Variants in EP400 observed in about 807,000 individuals in gnomAD.
EP400 encodes the protein E1A-binding protein p400.
A neutral mutation model predicts 354.1 loss-of-function variants in EP400; 105 were observed. That is an observed-to-expected ratio of 0.30 (90% confidence interval 0.25 to 0.35). The LOEUF is 0.35. Ranked by LOEUF, EP400 falls within the 10% of genes least tolerant of loss-of-function variation. The probability of loss-of-function intolerance (pLI) is 1.00; values close to 1 mark genes in which losing one functional copy is unlikely to be tolerated. For synonymous variants in EP400, 1,646 were observed against 1,716.9 expected, an observed-to-expected ratio of 0.96 and a Z score of 1.02; for missense variants, 3,280 against 4,121.0, an observed-to-expected ratio of 0.80 and a Z score of 5.59.
At position 132,018,419 on chromosome 12, in the gene EP400, G is replaced by T. The variant is rs776880965; in HGVS notation, c.4277+43G>T. ...GCAGCGGGGAGGGTTGGCTCCCAGGGCCCCCACAGCTGACCCAGGTCTATG... is the reference window on the plus strand; with the variant it reads ...GCAGCGGGGAGGGTTGGCTCCCAGGTCCCCCACAGCTGACCCAGGTCTATG... On this transcript the variant is annotated intron_variant, in intron 21 of 52. Coordinates refer to ENST00000389561, the MANE Select transcript of EP400 (RefSeq NM_015409.5). This position sits in a 1 kb window ranked among gnomAD's most constrained non-coding sequence, Gnocchi z 4.0. The T allele has an allele frequency of 3.8e-6, 6 of 1,561,312 alleles. No homozygotes were observed. In the South Asian group the frequency reaches 6.1e-5, roughly 16 times the overall value.
rs1431467944 is a variant in EP400 at position 132,017,396 on chromosome 12, C to T, written c.3924-139C>T. 1.2e-6 allele frequency: 1 copy of T among 803,718 alleles called. No homozygotes were observed. Among genetic ancestry groups the T allele is most frequent in the Non-Finnish European group, 1.9e-6 (1 of 515,996 alleles). 49.8% of individuals were successfully genotyped at this position (803,718 alleles called of 1,614,324 possible). Reference sequence around the variant, plus strand: ...CCTGGGATGTGGACTTGAATGGCCACTCTGTCTAACTCATTAAGCGGACCT... The same window carrying T: ...CCTGGGATGTGGACTTGAATGGCCATTCTGTCTAACTCATTAAGCGGACCT... On this transcript the variant is annotated intron_variant, in intron 19 of 52. Transcript: ENST00000389561. The surrounding 1 kb of genome is among the most constrained non-coding windows in gnomAD (Gnocchi z 5.0).
intron 10 of EP400, 110 bp downstream of exon 10, chr12:131,991,566 C>A: frequency 2.1e-6 from 2 of 939,004 alleles, no homozygotes; most frequent in Non-Finnish European, 1.6e-6. Flanking sequence ...ACTATTACTT[C>A]CTTTCTTTTC....
At chr12:132,045,097 C>A in intron 37 of EP400, 144 bp downstream of exon 37, 1 of 1,364,032 alleles carries the variant, frequency 7.3e-7, no homozygotes, top group South Asian at 1.4e-5. Context: ...CGCTGCCTCT[C>A]AGGCCATGTG....
rs559025137 is a variant in EP400 at position 132,000,668 on chromosome 12, T to C, written c.2828-4409T>C. On this transcript the variant is annotated intron_variant, in intron 12 of 52. Coordinates refer to ENST00000389561, the MANE Select transcript of EP400 (RefSeq NM_015409.5). ...TGCATATATAGGTTTAGAATTGTTATCCTATTACGTCATCAGTTTTACTTG... is the reference window on the plus strand; with the variant it reads ...TGCATATATAGGTTTAGAATTGTTACCCTATTACGTCATCAGTTTTACTTG... Among the ~76,000 whole-genome samples the C allele has an allele frequency of 4.6e-5, 7 of 152,356 alleles. No homozygotes were observed. The South Asian group carries it at 6.2e-4, about 14-fold the overall frequency.
rs1057416138 is a variant in EP400 at position 131,960,664 on chromosome 12, G to C, written c.45G>C (p.Gln15His). 6.3e-7 allele frequency: 1 copy of C among 1,588,482 alleles called. No homozygotes were observed. The highest frequency in any genetic ancestry group is 1.8e-4 in the Middle Eastern group (1 of 5,572). The stretch of plus-strand genomic sequence containing the variant: ...CCCAGAACGTCCAGCATCAGCTGCA[G>C]AGGTCCAGGGCCTGCCCTGGCAGCG... ...TGPQNVQHQL[Q>H]RSRACPGSEG... The change falls in exon 2 of 53, where the codon CAG (glutamine) becomes CAC (histidine). Residue 15 changes from glutamine to histidine, a missense_variant. Gln to His is a conservative substitution (Grantham distance 24). This residue lies in a region of EP400 where 172 missense variants were observed against 242.9 expected (regional missense o/e 0.71). Coordinates refer to ENST00000389561, the MANE Select transcript of EP400 (RefSeq NM_015409.5).
rs767866808 is a variant in EP400, at chr12:132,045,575, TC to T, written c.7026+16del. The T allele has an allele frequency of 2.5e-6, 4 of 1,613,080 alleles. No individual in the cohort carries two copies. The highest frequency in any genetic ancestry group is 3.4e-6 in the Non-Finnish European group (4 of 1,179,266). On this transcript the variant is annotated intron_variant, in intron 38 of 52. Transcript: ENST00000389561. ...CGCTGCTGCAGGTAGGTGGGCGTGG[TC>T]TTTGTGCCAGCGGTCATGTGCGGTC... is the stretch of plus-strand genomic sequence containing the variant.
rs79342527 is a variant in EP400 at position 132,064,952 on chromosome 12, G to A, written c.8553+66G>A. The A allele has an allele frequency of 4.4e-3, 6,654 of 1,526,864 alleles. 23 individuals carry two copies. Among genetic ancestry groups the A allele is most frequent in the Non-Finnish European group, 4.9e-3 (5,571 of 1,138,776 alleles). The allele number at this position is 1,526,864 out of a possible 1,614,324, so 94.6% of individuals were successfully genotyped here. ...TTTTATGTTTTAACACAGCTGTTGC[G>A]CTTGCTCAGGTGCGTGTCACGTGTT... On this transcript the variant is annotated intron_variant, in intron 48 of 52. Coordinates refer to ENST00000389561, the MANE Select transcript of EP400 (RefSeq NM_015409.5).
At chr12:132,041,911 A>AT (rs1479410421) in intron 32 of EP400, among the ~76,000 whole-genome samples, 5 of 136,710 alleles carry the variant, frequency 3.7e-5, no homozygotes, top group Non-Finnish European at 8.1e-5. Context: ...GCTTTTCCCA[A>AT]TTTTTTTTAA....
chr12:132,055,277 A>G (rs1895446215), intron 45 of EP400, 69 bp downstream of exon 45: 1 of 1,259,086 alleles, frequency 7.9e-7, no homozygotes, highest in South Asian at 1.4e-5. Flanking sequence ...TTGTCTGTTA[A>G]TTCTTCTTCT....
At chr12:132,076,267 A>G in intron 51 of EP400, 1 of 530,116 alleles carries the variant, frequency 1.9e-6, no homozygotes, top group Non-Finnish European at 3.5e-6. Context: ...AATGTGTCTG[A>G]AATATGAGAC....
intron 1 of EP400, among the ~76,000 whole-genome samples, chr12:131,957,872 A>C (rs1250103420): frequency 6.6e-6 from 1 of 152,222 alleles, no homozygotes; most frequent in Non-Finnish European, 1.5e-5. Flanking sequence ...CTGGGATTAC[A>C]GGCATGAGCC....
rs141917943 is a variant in EP400 at position 132,047,575 on chromosome 12, G to A, written c.7200+1675G>A. Among the ~76,000 whole-genome samples, 925 of 152,314 alleles carry A rather than the reference G, an allele frequency of 6.1e-3. 4 individuals are homozygous for A. The highest frequency in any genetic ancestry group is 7.8e-3 in the Non-Finnish European group (528 of 68,030). On this transcript the variant is annotated intron_variant, in intron 39 of 52. Transcript: ENST00000389561. ...AAAGGGGAGGGAGTGTATGAATAGG[G>A]TGTGGGTCACAGAGATCACATGCTT...
intron 51 of EP400, among the ~76,000 whole-genome samples, chr12:132,073,420 A>ATGC (rs1896124287): frequency 6.9e-6 from 1 of 143,944 alleles, no homozygotes; most frequent in Non-Finnish European, 1.5e-5. Context: ...TTCATCTCAA[A>ATGC]TGCTGCTGTT....
chr12:132,023,670 C>T (rs1894202542), intron 23 of EP400, 107 bp from the exon 24 acceptor site: 1 of 968,174 alleles, frequency 1.0e-6, no homozygotes, highest in African/African-American at 1.7e-5. Context: ...TGTGGTGCTT[C>T]AGTTTATGAT....
chr12:131,984,612 T>G (rs780467706), intron 5 of EP400, among the ~76,000 whole-genome samples: 8 of 152,218 alleles, frequency 5.3e-5, no homozygotes, highest in Non-Finnish European at 8.8e-5. Flanking sequence ...ACATACTGAC[T>G]TAAAGCAGCT....
In EP400 at chr12:132,042,137, G is replaced by C. The variant is rs143665372; in HGVS notation, c.6208-1167G>C. Among the ~76,000 whole-genome samples the C allele has an allele frequency of 5.0e-3, 756 of 151,980 alleles. 8 individuals carry two copies. Among genetic ancestry groups the C allele is most frequent in the African/African-American group, 0.017 (720 of 41,438 alleles). The stretch of plus-strand genomic sequence containing the variant: ...GGCTAATTTTTATATTTTTAATAGA[G>C]ACGTGGTTTCTCCATGTTGGCCAGG... On this transcript the variant is annotated intron_variant, in intron 32 of 52. Coordinates refer to ENST00000389561, the MANE Select transcript of EP400 (RefSeq NM_015409.5).
rs1335079898 is a variant in EP400 at position 132,055,505 on chromosome 12, TGTGTGTGTGAGGTGTAGGG to T, written c.7884+319_7884+337del. Among the ~76,000 whole-genome samples the T allele has an allele frequency of 5.2e-3, 622 of 120,288 alleles. 5 individuals are homozygous for T. The highest frequency in any genetic ancestry group is 7.6e-3 in the Admixed American group (91 of 12,028). The allele number at this position is 120,288 out of a possible 152,430, so 78.9% of individuals were successfully genotyped here. On this transcript the variant is annotated intron_variant, in intron 45 of 52. Transcript: ENST00000389561. ...TAGGGGTGTGTGTGAGGTGTAGGTG[TGTGTGTGTGAGGTGTAGGG>T]GTGTGTGTGAGGTGTAGGGGTTGTG...
chr12:132,014,904 G>A (rs559686774), intron 19 of EP400, among the ~76,000 whole-genome samples: 16 of 152,294 alleles, frequency 1.1e-4, no homozygotes, highest in African/African-American at 3.8e-4. Flanking sequence ...GTGAGGCCAT[G>A]CTAGCCACAC....
At position 132,045,742 on chromosome 12, in the gene EP400, C is replaced by G; in HGVS notation, c.7042C>G (p.Leu2348Val). 6.2e-7 allele frequency: 1 copy of G among 1,614,254 alleles called. No individual in the cohort carries two copies. The highest frequency in any genetic ancestry group is 8.5e-7 in the Non-Finnish European group (1 of 1,180,048). ...CCTTCTCTAGGCTGTAAAGCAGTTA[C>G]TGGAGCTGCCTTTGAACCTCACAAT... ...WALLQAVKQL[L>V]ELPLNLTIVS... The change falls in exon 39 of 53, where the codon CTG (leucine) becomes GTG (valine). Residue 2348 changes from leucine to valine, a missense_variant. Physicochemically the swap from Leu to Val is conservative, Grantham distance 32. Transcript: ENST00000389561.
Sources: gnomAD v4.1 joint callset for allele counts (sites outside exome capture counted in the v4.1 genomes callset) on GRCh38, gnomAD v4.1.1 for gene constraint, gnomAD v4.1.1 regional missense constraint, Gnocchi (gnomAD v3.1) non-coding constraint, MANE v1.5 for transcripts, NCBI Gene and HGNC (gene_info 2026-07-23, HGNC 2026-07-21) for gene names.